The following MALRD1 variants were observed in gnomAD, a reference collection of about 807,000 sequenced individuals.
MALRD1 encodes MAM and LDL receptor class A domain containing 1.
In MALRD1, 247 loss-of-function variants were observed where a neutral mutation model predicts 242.1. The ratio of observed to expected loss-of-function variants is 1.02; its 90% confidence interval spans 0.92 to 1.13. The LOEUF is 1.13. MALRD1 is among the 50% of genes most tolerant of loss of function. The pLI, the probability that MALRD1 is intolerant of heterozygous loss-of-function variation, is 0.00. For missense variants in MALRD1, 2,989 were observed against 2,533.1 expected, an observed-to-expected ratio of 1.18 and a Z score of -3.86; for synonymous variants, 995 against 866.6, an observed-to-expected ratio of 1.15 and a Z score of -2.60.
In MALRD1 at chr10:19,104,000, G is replaced by A; in HGVS notation, c.619G>A (p.Ala207Thr). 2 of 1,233,676 alleles carry A rather than the reference G, an allele frequency of 1.6e-6. No individual in the cohort carries two copies. 76.4% of individuals were successfully genotyped at this position (1,233,676 alleles called of 1,614,324 possible). The change falls in exon 5 of 40, where the codon GCT becomes ACT. Residue 207 changes from alanine to threonine, a missense_variant. Coordinates refer to ENST00000454679, the MANE Select transcript of MALRD1 (RefSeq NM_001142308.3). ...GCAGGTTGTTTTTGAAGGTCAAATG[G>A]CTTCAACGTATGAACAGGATGAAGT... ...RFQVVFEGQMASTYEQDEVIA... is the reference protein window; with the variant it reads ...RFQVVFEGQMTSTYEQDEVIA...
intron 29 of MALRD1, among the ~76,000 whole-genome samples, chr10:19,452,368 A>C (rs1319446543): frequency 6.6e-6 from 1 of 152,208 alleles, no homozygotes; most frequent in Admixed American, 6.5e-5. Context: ...ATTGAAGCCA[A>C]CACTTGGCTT....
At chr10:19,361,377 T>C (rs981290825) in intron 26 of MALRD1, among the ~76,000 whole-genome samples, 2 of 152,060 alleles carry the variant, frequency 1.3e-5, no homozygotes, top group African/African-American at 4.8e-5. Flanking sequence ...GCAAAGAACA[T>C]GGTAGAAGGG....
chr10:19,524,327 A>G (rs1437952401), intron 31 of MALRD1, among the ~76,000 whole-genome samples: 2 of 152,032 alleles, frequency 1.3e-5, no homozygotes, highest in East Asian at 1.9e-4. Flanking sequence ...AATACAAAAA[A>G]TTAGCTGGGC....
intron 18 of MALRD1, among the ~76,000 whole-genome samples, chr10:19,232,046 G>A (rs1036546343): frequency 3.9e-5 from 6 of 152,052 alleles, no homozygotes; most frequent in Non-Finnish European, 8.8e-5. Context: ...GAAAACGTTA[G>A]TATTAGGGGA....
intron 14 of MALRD1, among the ~76,000 whole-genome samples, chr10:19,195,904 A>G (rs534196276): frequency 2.0e-5 from 3 of 151,870 alleles, no homozygotes; most frequent in East Asian, 3.9e-4. Flanking sequence ...TGAATAACAC[A>G]TTTTTCTTCC....
chr10:19,240,530 C>A (rs1838716447), intron 18 of MALRD1, among the ~76,000 whole-genome samples: 1 of 151,972 alleles, frequency 6.6e-6, no homozygotes, highest in African/African-American at 2.4e-5. Context: ...AATCTGACCT[C>A]CTTCTTTCCA....
chr10:19,108,974 A>G (rs1329463893), intron 5 of MALRD1, among the ~76,000 whole-genome samples: 2 of 151,972 alleles, frequency 1.3e-5, no homozygotes, highest in Non-Finnish European at 2.9e-5. Context: ...TTTCAGGGGG[A>G]AATATTTTCA....
chr10:19,219,341 A>G (rs1034916556), intron 18 of MALRD1, among the ~76,000 whole-genome samples: 4 of 152,232 alleles, frequency 2.6e-5, no homozygotes, highest in African/African-American at 9.6e-5. Flanking sequence ...ATTAAATGGT[A>G]AATTTGTCTT....
Position 19,128,209 on chromosome 10 carries a change from T to G in MALRD1, c.944-12T>G. On this transcript the variant is annotated splice_polypyrimidine_tract_variant and intron_variant, in intron 7 of 39. Coordinates refer to ENST00000454679, the MANE Select transcript of MALRD1 (RefSeq NM_001142308.3). ...TTTTCCTAAATTGCTTCTTTTTTCT[T>G]TTATCTTTCAGGTTATTATGTATGG... 3.2e-6 allele frequency: 4 copies of G among 1,232,956 alleles called. No homozygotes were observed. The South Asian group carries it at 1.6e-4, about 51-fold the overall frequency. The allele number at this position is 1,232,956 out of a possible 1,614,324, so 76.4% of individuals were successfully genotyped here. A position where few individuals can be genotyped will look rare whatever the true frequency, so the allele number is the denominator to read the frequency against.
Position 19,404,751 on chromosome 10 carries a change from T to C in MALRD1, c.4845+15142T>C, listed in dbSNP as rs184475737. On this transcript the variant is annotated intron_variant, in intron 28 of 39. Coordinates refer to ENST00000454679, the MANE Select transcript of MALRD1 (RefSeq NM_001142308.3). ...ACTTAAAATTCTGTTTCTGAAATAA[T>C]TTGTTTAAAAAATAGCACTCCAGAA... Among the ~76,000 whole-genome samples the C allele has an allele frequency of 6.3e-3, 960 of 152,232 alleles. 11 individuals are homozygous for C. The highest frequency in any genetic ancestry group is 0.021 in the South Asian group (101 of 4,822).
chr10:19,431,192 C>G (rs1390367854), intron 28 of MALRD1, among the ~76,000 whole-genome samples: 1 of 152,064 alleles, frequency 6.6e-6, no homozygotes, highest in Non-Finnish European at 1.5e-5. Context: ...AATTTTTATC[C>G]CACTTAATTC....
In MALRD1 at chr10:19,283,473, A is replaced by G. The variant is rs115701422; in HGVS notation, c.3419+292A>G. 1.6e-3 allele frequency among the ~76,000 whole-genome samples: 247 copies of G among 152,256 alleles called. 2 individuals carry two copies. Among genetic ancestry groups the G allele is most frequent in the African/African-American group, 5.6e-3 (231 of 41,558 alleles). ...TAGTATATTGTTTTTAAAATGATCT[A>G]TGGATGTCTTGCCTCCCCAAATGTC... is the stretch of plus-strand genomic sequence containing the variant. On this transcript the variant is annotated intron_variant, in intron 21 of 39. Coordinates refer to ENST00000454679, the MANE Select transcript of MALRD1 (RefSeq NM_001142308.3).
At chr10:19,730,028 C>G (rs192781913) in intron 38 of MALRD1, among the ~76,000 whole-genome samples, 1 of 152,104 alleles carries the variant, frequency 6.6e-6, no homozygotes. Flanking sequence ...TGAGCCACCA[C>G]GCCCGGCCTA....
At chr10:19,246,285 G>T (rs1037512083) in intron 18 of MALRD1, among the ~76,000 whole-genome samples, 1 of 152,082 alleles carries the variant, frequency 6.6e-6, no homozygotes, top group Admixed American at 6.6e-5. Context: ...TCAGACACAT[G>T]TAGAGTTATA....
chr10:19,166,808 GA>G (rs1834705406), intron 13 of MALRD1, among the ~76,000 whole-genome samples: 1 of 152,132 alleles, frequency 6.6e-6, no homozygotes, highest in South Asian at 2.1e-4. Flanking sequence ...GATGACATTT[GA>G]AAAGAGCTAT....
chr10:19,137,880 A>G (rs1833405098), intron 10 of MALRD1, among the ~76,000 whole-genome samples: 1 of 152,216 alleles, frequency 6.6e-6, no homozygotes, highest in Admixed American at 6.5e-5. Flanking sequence ...TATGAATCCA[A>G]TTTCTGTATC....
At chr10:19,383,749 A>G (rs1451707902) in intron 26 of MALRD1, among the ~76,000 whole-genome samples, 1 of 151,980 alleles carries the variant, frequency 6.6e-6, no homozygotes, top group African/African-American at 2.4e-5. Context: ...TCCAATAACA[A>G]AAACTTTATG....
intron 18 of MALRD1, among the ~76,000 whole-genome samples, chr10:19,219,016 G>GA (rs1168377345): frequency 6.6e-6 from 1 of 152,000 alleles, no homozygotes; most frequent in Non-Finnish European, 1.5e-5. Flanking sequence ...CCGCCAGTCT[G>GA]AAAAATGTGT....
chr10:19,584,474 C>T (rs1293292121), intron 33 of MALRD1, among the ~76,000 whole-genome samples: 2 of 152,164 alleles, frequency 1.3e-5, no homozygotes, highest in East Asian at 1.9e-4. Context: ...GCCTTCATTT[C>T]GTTATGTACC....
Sources: gnomAD v4.1 joint callset for allele counts (sites outside exome capture counted in the v4.1 genomes callset) on GRCh38, gnomAD v4.1.1 for gene constraint, MANE v1.5 for transcripts, NCBI Gene and HGNC (gene_info 2026-07-23, HGNC 2026-07-21) for gene names.